ZFHX3: variants seen among roughly 807,000 people sequenced by gnomAD.
ZFHX3 encodes the protein zinc finger homeobox protein 3.
In ZFHX3, 42 loss-of-function variants were observed where a neutral mutation model predicts 279.1. That is an observed-to-expected ratio of 0.15 (90% CI 0.12 to 0.19). ZFHX3 has a LOEUF of 0.19. ZFHX3 is among the 10% of genes least tolerant of loss of function. The pLI, the probability that ZFHX3 is intolerant of heterozygous loss-of-function variation, is 1.00. For missense variants in ZFHX3, 4,981 were observed against 4,754.0 expected (o/e 1.05, Z -1.40); for synonymous variants, 2,293 against 1,957.8 (o/e 1.17, Z -4.52).
At chr16:73,668,675 A>G (rs1013453832) in intron 2 of ZFHX3, among the ~76,000 whole-genome samples, 15 of 151,916 alleles carry the variant, frequency 9.9e-5, no homozygotes, top group African/African-American at 3.6e-4. Context: ...CATCTGACAA[A>G]GGGCTAATAT....
intron 1 of ZFHX3, among the ~76,000 whole-genome samples, chr16:73,760,820 G>A (rs2053856512): frequency 6.6e-6 from 1 of 151,912 alleles, no homozygotes; most frequent in Non-Finnish European, 1.5e-5. Context: ...TTTGAGGAAT[G>A]TACCTCAAAA....
At chr16:72,922,059 T>C (rs1038462941) in intron 3 of ZFHX3, among the ~76,000 whole-genome samples, 2 of 152,114 alleles carry the variant, frequency 1.3e-5, no homozygotes, top group Admixed American at 6.5e-5. Flanking sequence ...TGCAGCACGG[T>C]AGGCACGCCG....
At chr16:73,010,630 G>T (rs1324164518) in intron 1 of ZFHX3, among the ~76,000 whole-genome samples, 3 of 152,026 alleles carry the variant, frequency 2.0e-5, no homozygotes, top group Non-Finnish European at 4.4e-5. Context: ...GCTGACTCTA[G>T]ACACCTCATA....
chr16:73,217,227 C>T (rs2012244644), intron 5 of ZFHX3, among the ~76,000 whole-genome samples: 1 of 152,192 alleles, frequency 6.6e-6, no homozygotes. Flanking sequence ...AGGGGATTTG[C>T]TAAAGAAGCT....
intron 2 of ZFHX3, among the ~76,000 whole-genome samples, chr16:73,569,027 A>G (rs862227): frequency 0.35 from 53,524 of 151,912 alleles, 10,554 homozygotes; most frequent in Non-Finnish European, 0.46. Flanking sequence ...GGCTGTTTCA[A>G]TTAATGCCTC....
At chr16:73,094,190 T>C (rs1021379528) in intron 7 of ZFHX3, among the ~76,000 whole-genome samples, 21 of 152,202 alleles carry the variant, frequency 1.4e-4, no homozygotes, top group African/African-American at 4.8e-4. Context: ...CAGCATTCTT[T>C]TTGGAAACAC....
At chr16:73,289,489 C>T (rs1322374675) in intron 4 of ZFHX3, among the ~76,000 whole-genome samples, 3 of 152,076 alleles carry the variant, frequency 2.0e-5, no homozygotes, top group African/African-American at 7.2e-5. Flanking sequence ...TGAAGAGCCC[C>T]AGATATGTAT....
intron 3 of ZFHX3, among the ~76,000 whole-genome samples, chr16:73,423,032 C>A (rs1166621704): frequency 6.6e-6 from 1 of 152,106 alleles, no homozygotes; most frequent in Non-Finnish European, 1.5e-5. Context: ...CTAATCTCCC[C>A]TTCTTTCTTA....
rs993170659 is a variant in ZFHX3 at position 73,483,986 on chromosome 16, A to G, written c.-1546-27728T>C. Among the ~76,000 whole-genome samples the G allele has an allele frequency of 7.6e-5, 10 of 131,302 alleles. No homozygotes were observed. The South Asian group carries it at 9.8e-4, about 13-fold the overall frequency. The allele number at this position is 131,302 out of a possible 152,430, so 86.1% of individuals were successfully genotyped here. A position where few individuals can be genotyped will look rare whatever the true frequency, so the allele number is the denominator to read the frequency against. ...TTGTGTTGTTAATACCTCTCCATTT[A>G]GTAATAAGAAAACAGTCTGAAATCC... On this transcript the variant is annotated intron_variant, in intron 2 of 17. Transcript: ENST00000641206.
intron 2 of ZFHX3, among the ~76,000 whole-genome samples, chr16:73,643,879 C>G (rs892606779): frequency 2.6e-5 from 4 of 152,324 alleles, no homozygotes; most frequent in Admixed American, 1.3e-4. Flanking sequence ...CCACCCTTCT[C>G]TCCTTGCTTG....
chr16:72,840,375 T>C (rs947004919), intron 4 of ZFHX3, among the ~76,000 whole-genome samples: 1 of 152,062 alleles, frequency 6.6e-6, no homozygotes, highest in Non-Finnish European at 1.5e-5. Flanking sequence ...ATGCAATCTA[T>C]ACAAGAACGA....
At chr16:73,521,405 C>T (rs1459381813) in intron 2 of ZFHX3, among the ~76,000 whole-genome samples, 2 of 152,182 alleles carry the variant, frequency 1.3e-5, no homozygotes, top group African/African-American at 4.8e-5. Flanking sequence ...ATTTGTTCCA[C>T]TTAGTCACTG....
At chr16:73,466,793 C>T (rs1282375814) in intron 2 of ZFHX3, among the ~76,000 whole-genome samples, 1 of 152,104 alleles carries the variant, frequency 6.6e-6, no homozygotes, top group African/African-American at 2.4e-5. Flanking sequence ...TATCTCATTT[C>T]CTCTTCAGAG....
intron 5 of ZFHX3, among the ~76,000 whole-genome samples, chr16:73,248,052 G>C (rs2013354951): frequency 6.6e-6 from 1 of 151,694 alleles, no homozygotes; most frequent in Admixed American, 6.6e-5. Context: ...TGTATGTGGA[G>C]TGTATAAGTG....
rs200058549 is a variant in ZFHX3 at position 72,838,543 on chromosome 16, C to A, written c.3449-8684G>T. 5.9e-5 allele frequency among the ~76,000 whole-genome samples: 9 copies of A among 152,282 alleles called. No individual in the cohort carries two copies. In the South Asian group the frequency reaches 1.2e-3, roughly 21 times the overall value. On this transcript the variant is annotated intron_variant, in intron 4 of 9. Transcript: ENST00000268489. ...CCCCGAGAAAATTTCCCCTTTCAGC[C>A]GTCCCTCCTGTGGGAACAGCACAGA...
At chr16:73,593,416 A>G (rs901262170) in intron 2 of ZFHX3, among the ~76,000 whole-genome samples, 1 of 152,176 alleles carries the variant, frequency 6.6e-6, no homozygotes, top group South Asian at 2.1e-4. Context: ...AAATGATAAC[A>G]TGTCATAACC....
chr16:73,133,394 T>G lies in ZFHX3; in HGVS notation c.-1023-2300A>C, dbSNP rs1567397741. 2.0e-5 allele frequency among the ~76,000 whole-genome samples: 3 copies of G among 151,816 alleles called. No individual in the cohort carries two copies. The South Asian group carries it at 6.2e-4, about 32-fold the overall frequency. ...AAAATTAGCCAGGTGTGGTGGCGAG[T>G]GCCTGTAGTCCCAGCTACTCGGGAG... On this transcript the variant is annotated intron_variant, in intron 6 of 17. Transcript: ENST00000641206.
chr16:73,563,052 A>G (rs2143792470), intron 2 of ZFHX3, among the ~76,000 whole-genome samples: 1 of 152,322 alleles, frequency 6.6e-6, no homozygotes, highest in South Asian at 2.1e-4. Flanking sequence ...TCAGTTAACC[A>G]GCAGTACCCA....
chr16:73,432,441 C>T (rs1396429564), intron 3 of ZFHX3, among the ~76,000 whole-genome samples: 1 of 152,136 alleles, frequency 6.6e-6, no homozygotes. Flanking sequence ...GAGTCCAGAG[C>T]CCAACCCACT....
Sources: gnomAD v4.1 joint callset for allele counts (sites outside exome capture counted in the v4.1 genomes callset) on GRCh38, gnomAD v4.1.1 for gene constraint, MANE v1.5 for transcripts, NCBI Gene and HGNC (gene_info 2026-07-23, HGNC 2026-07-21) for gene names.